The following C5orf63 variants were observed in gnomAD, a reference collection of about 807,000 sequenced individuals.
The protein encoded by C5orf63 is chromosome 5 open reading frame 63.
Under a neutral mutation model 13.3 loss-of-function variants are expected in C5orf63, and 18 were observed. That is an observed-to-expected ratio of 1.36 (90% CI 0.94 to 2.01). C5orf63 has a LOEUF of 2.01. C5orf63 is among the 30% of genes most tolerant of loss of function. The pLI is 0.00. For synonymous variants in C5orf63, 38 were observed against 44.7 expected (o/e 0.85, Z 0.60); for missense variants, 118 against 127.7 (o/e 0.92, Z 0.36).
intron 3 of C5orf63, among the ~76,000 whole-genome samples, chr5:127,056,779 C>A (rs568561407): frequency 6.6e-6 from 1 of 152,286 alleles, no homozygotes; most frequent in South Asian, 2.1e-4. Flanking sequence ...GAAACCAGAG[C>A]AACTCCAAAA....
At chr5:127,043,059 T>A (rs566006139), downstream of C5orf63, 1 of 152,246 alleles carries the variant, frequency 6.6e-6, no homozygotes, top group Non-Finnish European at 1.5e-5. Flanking sequence ...GTGTCCTTTA[T>A]TTCTCTTGAA....
downstream of C5orf63, among the ~76,000 whole-genome samples, chr5:127,050,192 C>T (rs1051999810): frequency 1.3e-5 from 2 of 152,148 alleles, no homozygotes; most frequent in African/African-American, 4.8e-5. Flanking sequence ...CACCCACACT[C>T]AAAGGGACAG....
chr5:127,054,421 C>G (rs1046289829), intron 3 of C5orf63, among the ~76,000 whole-genome samples: 1 of 152,074 alleles, frequency 6.6e-6, no homozygotes, highest in South Asian at 2.1e-4. Context: ...TTTTAATGAT[C>G]GCCATTCTAA....
downstream of C5orf63, among the ~76,000 whole-genome samples, chr5:127,048,981 A>G (rs1391419882): frequency 6.6e-6 from 1 of 152,160 alleles, no homozygotes; most frequent in African/African-American, 2.4e-5. Flanking sequence ...AGAAGGCAGG[A>G]ATGAACACAG....
At chr5:127,067,324 G>A (rs965516116) in intron 2 of C5orf63, among the ~76,000 whole-genome samples, 1 of 152,146 alleles carries the variant, frequency 6.6e-6, no homozygotes, top group African/African-American at 2.4e-5. Context: ...TGATTCTATT[G>A]ACTGAAATGT....
rs146562754 is a variant in C5orf63, at chr5:127,072,285, T to C, written c.-109-600A>G. On this transcript the variant is annotated intron_variant, in intron 1 of 4. Coordinates refer to ENST00000296662, the MANE Select transcript of C5orf63 (RefSeq NM_001164478.2). ...GTTCTGCTTTGCCCCAGTATTATCA[T>C]AATTATCCAATATTTCCAGGGTGTA... Among the ~76,000 whole-genome samples the C allele has an allele frequency of 4.0e-3, 604 of 152,354 alleles. 1 individual carries two copies. Among genetic ancestry groups the C allele is most frequent in the Non-Finnish European group, 4.6e-3 (315 of 68,038 alleles).
downstream of C5orf63, among the ~76,000 whole-genome samples, chr5:127,049,884 G>A (rs1362613044): frequency 6.6e-6 from 1 of 152,062 alleles, no homozygotes; most frequent in Non-Finnish European, 1.5e-5. Flanking sequence ...ACTGATTATT[G>A]GCAGAATTCA....
downstream of C5orf63, chr5:127,047,933 A>C (rs1323776763): frequency 1.5e-6 from 1 of 670,326 alleles, no homozygotes; most frequent in Admixed American, 2.2e-5. Context: ...AGAAAGAAAA[A>C]GTGGAGAGGG....
intron 3 of C5orf63, among the ~76,000 whole-genome samples, chr5:127,056,740 AT>A (rs1398531114): frequency 6.6e-6 from 1 of 152,228 alleles, no homozygotes; most frequent in African/African-American, 2.4e-5. Flanking sequence ...GATTGTTAAC[AT>A]GTTTAGTTCC....
chr5:127,054,174 G>GT (rs1753789979), intron 3 of C5orf63, among the ~76,000 whole-genome samples: 1 of 151,978 alleles, frequency 6.6e-6, no homozygotes, highest in South Asian at 2.1e-4. Context: ...TTTTTGTTTT[G>GT]TTTTTTAGAC....
At chr5:127,063,279 T>C (rs191420969) in intron 2 of C5orf63, among the ~76,000 whole-genome samples, 62 of 152,304 alleles carry the variant, frequency 4.1e-4, no homozygotes, top group African/African-American at 1.3e-3. Flanking sequence ...AATAACTTTA[T>C]AGTATTTTCC....
intron 2 of C5orf63, among the ~76,000 whole-genome samples, chr5:127,064,194 A>T (rs1754231691): frequency 6.6e-6 from 1 of 152,186 alleles, no homozygotes; most frequent in African/African-American, 2.4e-5. Context: ...CCATATAGGG[A>T]CAAAACCAAA....
intron 2 of C5orf63, among the ~76,000 whole-genome samples, chr5:127,069,441 T>C (rs1357602742): frequency 3.3e-5 from 5 of 152,192 alleles, no homozygotes; most frequent in Non-Finnish European, 5.9e-5. Flanking sequence ...AACAACTGTT[T>C]GCAATTCAAA....
Position 127,051,561 on chromosome 5 carries a change from CT to C in C5orf63, c.*209del. The C allele has an allele frequency of 8.0e-7, 1 of 1,248,606 alleles. No homozygotes were observed. The highest frequency in any genetic ancestry group is 1.0e-6 in the Non-Finnish European group (1 of 997,278). The allele number at this position is 1,248,606 out of a possible 1,614,324, so 77.3% of individuals were successfully genotyped here. A position where few individuals can be genotyped will look rare whatever the true frequency, so the allele number is the denominator to read the frequency against. On this transcript the variant is annotated 3_prime_UTR_variant, in exon 5 of 5. Coordinates refer to ENST00000296662, the MANE Select transcript of C5orf63 (RefSeq NM_001164478.2). Reference sequence around the variant, plus strand: ...TCATCTCCCTCCCTGCTAATATGCTCTTCTTATTTTATAAAATGCCATTAAG... The same window carrying C: ...TCATCTCCCTCCCTGCTAATATGCTCTCTTATTTTATAAAATGCCATTAAG...
At chr5:127,050,149 T>C (rs1451226241), downstream of C5orf63, among the ~76,000 whole-genome samples, 2 of 152,172 alleles carry the variant, frequency 1.3e-5, no homozygotes, top group Non-Finnish European at 2.9e-5. Flanking sequence ...CCTTTTGCCA[T>C]ATAATGTAAC....
At chr5:127,065,042 A>T (rs1754271428) in intron 2 of C5orf63, among the ~76,000 whole-genome samples, 1 of 152,188 alleles carries the variant, frequency 6.6e-6, no homozygotes, top group South Asian at 2.1e-4. Flanking sequence ...CTCTAAATAA[A>T]GCTCTCAGAT....
At chr5:127,057,960 T>C (rs1348939045) in intron 3 of C5orf63, among the ~76,000 whole-genome samples, 1 of 152,324 alleles carries the variant, frequency 6.6e-6, no homozygotes, top group East Asian at 1.9e-4. Context: ...CATTTAGGCA[T>C]GAGTTATACA....
intron 1 of C5orf63, chr5:127,071,894 C>T (rs1561494180): frequency 1.3e-5 from 2 of 152,196 alleles, no homozygotes; most frequent in South Asian, 4.1e-4. Context: ...AAAGGGATTT[C>T]TCATAGTGCC....
downstream of C5orf63, chr5:127,051,224 A>G: frequency 1.1e-6 from 1 of 945,940 alleles, no homozygotes. Flanking sequence ...TAGGATAATA[A>G]TTCTCTTCTA....
Sources: gnomAD v4.1 joint callset for allele counts (sites outside exome capture counted in the v4.1 genomes callset) on GRCh38, gnomAD v4.1.1 for gene constraint, MANE v1.5 for transcripts, NCBI Gene and HGNC (gene_info 2026-07-23, HGNC 2026-07-21) for gene names.